Variants in FAM186B observed in about 807,000 individuals in gnomAD.
FAM186B encodes the protein family with sequence similarity 186 member B.
FAM186B carries 68 observed loss-of-function variants against 83.4 expected under a neutral mutation model. The observed-to-expected ratio is 0.81, with a 90% confidence interval of 0.67 to 1.00. The LOEUF is 1.00. Among genes scored for constraint, FAM186B ranks in the 50% least tolerant of loss-of-function variants. FAM186B has a pLI of 0.00. For missense variants in FAM186B, 983 were observed against 1,099.2 expected (o/e 0.89, Z 1.49); for synonymous variants, 389 against 422.0 (o/e 0.92, Z 0.96).
At chr12:49,586,426 CAAGT>C (rs2138233347), downstream of FAM186B, among the ~76,000 whole-genome samples, 1 of 152,260 alleles carries the variant, frequency 6.6e-6, no homozygotes, top group South Asian at 2.1e-4. Context: ...TGTATGGGCT[CAAGT>C]GGGGTGCATA....
Position 49,588,491 on chromosome 12 carries a change from A to G in FAM186B, c.2497T>C (p.Ser833Pro), listed in dbSNP as rs1939501088. The G allele has an allele frequency of 6.2e-7, 1 of 1,613,206 alleles. No homozygotes were observed. Among genetic ancestry groups the G allele is most frequent in the African/African-American group, 1.3e-5 (1 of 74,898 alleles). ...AGGGGCACACATGCCCGGTGCCTAG[A>G]CAGAAAGGGCTGCTTGTAGGTGGGG... ...SGPTYKQPFL[S>P]RHRACVPLQM... The change falls in exon 6 of 7, where the codon TCT (serine) becomes CCT (proline). Residue 833 changes from serine to proline, a missense_variant. Transcript: ENST00000257894.
intron 5 of FAM186B, among the ~76,000 whole-genome samples, chr12:49,592,211 C>T (rs797004160): frequency 3.4e-4 from 52 of 152,284 alleles, no homozygotes; most frequent in Admixed American, 1.6e-3. Context: ...CAGTGGCTCA[C>T]GCCTGTAATC....
upstream of FAM186B, among the ~76,000 whole-genome samples, chr12:49,608,646 C>A (rs949146665): frequency 6.6e-6 from 1 of 151,798 alleles, no homozygotes; most frequent in Admixed American, 6.6e-5. Flanking sequence ...CCAACAGAAT[C>A]ATGAAGAACA....
chr12:49,604,377 GA>G lies in FAM186B; in HGVS notation c.257del (p.Phe86SerfsTer6). 6.2e-7 allele frequency: 1 copy of G among 1,614,258 alleles called. No individual in the cohort carries two copies. On this transcript the variant is annotated frameshift_variant, in exon 2 of 7. Coordinates refer to ENST00000257894, the MANE Select transcript of FAM186B (RefSeq NM_032130.3). LOFTEE classifies it high-confidence loss of function. ...TCTCCTTCATCATAGCATCTTTGGA[GA>G]AGGAGGCAATTTTTTCCAGCAAGAT... The part of the protein sequence containing the change: ...RFILLEKIAS[F>X]SKDAMMKEKH...
upstream of FAM186B, among the ~76,000 whole-genome samples, chr12:49,609,963 C>T (rs1400327146): frequency 6.6e-6 from 1 of 152,194 alleles, no homozygotes; most frequent in Non-Finnish European, 1.5e-5. Flanking sequence ...TACCCAGCCA[C>T]GCTGGCCACA....
downstream of FAM186B, chr12:49,584,500 T>A: frequency 2.8e-6 from 2 of 702,380 alleles, no homozygotes; most frequent in Non-Finnish European, 5.2e-6. Context: ...TGGGGCTGTC[T>A]TGATCCTTCT....
chr12:49,615,743 C>T, the FAM186B span, among the ~76,000 whole-genome samples: 2 of 151,654 alleles, frequency 1.3e-5, no homozygotes, highest in Admixed American at 6.6e-5. Flanking sequence ...GAGCTGTGAT[C>T]GTGCCACTGC....
At chr12:49,594,133 T>C (rs573888587) in intron 5 of FAM186B, 6 of 271,036 alleles carry the variant, frequency 2.2e-5, no homozygotes, top group African/African-American at 9.1e-5. Context: ...GCCAATGATA[T>C]ATATCTGTGG....
Position 49,588,595 on chromosome 12 carries a change from T to G in FAM186B, c.2393A>C (p.Asn798Thr). 1 of 1,598,540 alleles carries G rather than the reference T, an allele frequency of 6.3e-7. No individual in the cohort carries two copies. The change falls in exon 6 of 7, where the codon AAC (asparagine) becomes ACC (threonine). Residue 798 changes from asparagine to threonine, a missense_variant. By Grantham distance (65) the Asn-to-Thr change is moderately conservative. Transcript: ENST00000257894. The part of the protein sequence containing the change: ...KLQLEWNVHL[N>T]IPEVTSPKPK... ...CTTTGGCGAGGTGACCTCAGGGATGTTCAGGTGAACGTTCCACTCCAGCTG... is the reference window on the plus strand; with the variant it reads ...CTTTGGCGAGGTGACCTCAGGGATGGTCAGGTGAACGTTCCACTCCAGCTG...
rs1353832102 is a variant in FAM186B, at chr12:49,600,797, C to G, written c.843G>C (p.Gln281His). Residue 281 changes from glutamine to histidine, a missense_variant, in exon 4 of 7, where the codon CAG (glutamine) becomes CAC (histidine). By Grantham distance (24) the Gln-to-His change is conservative. Transcript: ENST00000257894. The surrounding 1 kb of genome is among the most constrained non-coding windows in gnomAD (Gnocchi z 4.3). ...ELSSQRLHFQ[Q>H]FMEVLESRRD... ...TCCTGCTCTCAAGGACCTCCATGAA[C>G]TGCTGGAAGTGCAGCCTCTGGCTGC... 6.2e-7 allele frequency: 1 copy of G among 1,612,232 alleles called. No individual in the cohort carries two copies. The highest frequency in any genetic ancestry group is 8.5e-7 in the Non-Finnish European group (1 of 1,178,924).
At chr12:49,608,687 A>G (rs1355273054), upstream of FAM186B, among the ~76,000 whole-genome samples, 2 of 151,782 alleles carry the variant, frequency 1.3e-5, no homozygotes, top group Non-Finnish European at 1.5e-5. Context: ...AACAAAGGCA[A>G]ACAGCCCCCG....
chr12:49,603,424 G>A, intron 2 of FAM186B, 57 bp from the exon 3 acceptor site: 2 of 1,568,816 alleles, frequency 1.3e-6, no homozygotes. Flanking sequence ...GGGGGACACA[G>A]ACAGCCCTAT....
chr12:49,598,598 C>T (rs1264810130), intron 5 of FAM186B, among the ~76,000 whole-genome samples, 157 bp downstream of exon 5: 1 of 152,150 alleles, frequency 6.6e-6, no homozygotes, highest in Non-Finnish European at 1.5e-5. Context: ...TTCACCTCTC[C>T]CTGGTGCAGA....
Position 49,599,631 on chromosome 12 carries a change from C to T in FAM186B, c.2009G>A (p.Arg670Lys), listed in dbSNP as rs748591097. The T allele has an allele frequency of 6.2e-7, 1 of 1,609,066 alleles. No individual in the cohort carries two copies. Among genetic ancestry groups the T allele is most frequent in the Non-Finnish European group, 8.5e-7 (1 of 1,177,578 alleles). ...KVYHMDMEAQ[R>K]KNLQLLSEES... ...CTCACTCAGGAGCTGCAGGTTCTTC[C>T]TCTGGGCCTCCATGTCCATGTGGTA... Residue 670 changes from arginine (R) to lysine (K), a missense_variant, in exon 4 of 7, where the codon AGG becomes AAG. Transcript: ENST00000257894.
At chr12:49,582,897 T>G (rs1374081327), downstream of FAM186B, 2 of 396,320 alleles carry the variant, frequency 5.0e-6, no homozygotes. Context: ...CACACACATA[T>G]ATATTTGTCT....
downstream of FAM186B, chr12:49,584,597 C>A: frequency 1.4e-6 from 1 of 702,366 alleles, no homozygotes; most frequent in Non-Finnish European, 2.6e-6. Context: ...GCATTCCTTC[C>A]TTTGGTTCGC....
Position 49,604,417 on chromosome 12 carries a change from C to T in FAM186B, c.218G>A (p.Gly73Asp). 2 of 1,614,208 alleles carry T rather than the reference C, an allele frequency of 1.2e-6. No individual in the cohort carries two copies. The highest frequency in any genetic ancestry group is 1.7e-6 in the Non-Finnish European group (2 of 1,180,030). Reference sequence around the variant, plus strand: ...TTCCAGCAAGATGAATCTCTTCTTGCCCTTTGGATCTCTCTGCTGAGATTT... The same window carrying T: ...TTCCAGCAAGATGAATCTCTTCTTGTCCTTTGGATCTCTCTGCTGAGATTT... ...NAKSQQRDPK[G>D]KKRFILLEKI... is the part of the protein sequence containing the mutation. The change falls in exon 2 of 7, where the codon GGC becomes GAC. Residue 73 changes from glycine (G) to aspartate (D), a missense_variant. By Grantham distance (94) the Gly-to-Asp change is moderately conservative. Coordinates refer to ENST00000257894, the MANE Select transcript of FAM186B (RefSeq NM_032130.3).
At chr12:49,609,029 T>C (rs775293834), upstream of FAM186B, among the ~76,000 whole-genome samples, 21 of 152,074 alleles carry the variant, frequency 1.4e-4, no homozygotes, top group Non-Finnish European at 2.5e-4. Context: ...GGGCCAGAGA[T>C]TGGAGTGCCT....
chr12:49,584,942 C>T (rs982168079), downstream of FAM186B, among the ~76,000 whole-genome samples: 11 of 152,134 alleles, frequency 7.2e-5, no homozygotes, highest in African/African-American at 2.4e-4. Flanking sequence ...CTCCTGTCGT[C>T]TCCAGCATGT....
Sources: allele counts gnomAD v4.1 joint callset (sites outside exome capture counted in the v4.1 genomes callset), GRCh38; gene constraint gnomAD v4.1.1; non-coding constraint Gnocchi (gnomAD v3.1); transcripts MANE v1.5; gene names NCBI Gene and HGNC (gene_info 2026-07-23, HGNC 2026-07-21).